The following SIM1 variants were observed in gnomAD, a reference collection of about 807,000 sequenced individuals.
SIM1 encodes the protein single-minded homolog 1.
SIM1 carries 18 observed loss-of-function variants against 78.2 expected under a neutral mutation model. The observed-to-expected ratio is 0.23, with a 90% confidence interval of 0.16 to 0.34. The LOEUF (loss-of-function observed/expected upper bound fraction) is 0.34, where lower values mean the gene tolerates loss of function less well. SIM1 is among the 10% of genes least tolerant of loss of function. SIM1 has a pLI of 1.00. For synonymous variants in SIM1, 417 were observed against 385.2 expected, an observed-to-expected ratio of 1.08 and a Z score of -0.97; for missense variants, 939 against 975.1, an observed-to-expected ratio of 0.96 and a Z score of 0.49.
chr6:100,438,854 T>C (rs899740019), intron 9 of SIM1, among the ~76,000 whole-genome samples: 7 of 152,150 alleles, frequency 4.6e-5, no homozygotes, highest in African/African-American at 1.7e-4. Flanking sequence ...GTGAAGTAAC[T>C]CAGGAATGGA....
rs768839708 is a variant in SIM1 at position 100,386,728 on chromosome 6, A to G, written c.*3633T>C. 8.5e-5 allele frequency: 13 copies of G among 152,074 alleles called. No individual in the cohort carries two copies. The highest frequency in any genetic ancestry group is 1.9e-4 in the Non-Finnish European group (13 of 67,932). 9.4% of individuals were successfully genotyped at this position (152,074 alleles called of 1,614,324 possible). A position where few individuals can be genotyped will look rare whatever the true frequency, so the allele number is the denominator to read the frequency against. ...TGCCCGATGGAAACAATCTAGCCCTATGAAATATAACCAAGAAAGAGCAAG... is the reference window on the plus strand; with the variant it reads ...TGCCCGATGGAAACAATCTAGCCCTGTGAAATATAACCAAGAAAGAGCAAG... On this transcript the variant is annotated 3_prime_UTR_variant, in exon 12 of 12. Coordinates refer to ENST00000369208, the MANE Select transcript of SIM1 (RefSeq NM_005068.3).
rs34396535 is a variant in SIM1, at chr6:100,400,980, G to GAA, written c.1168-7093_1168-7092dup. The stretch of plus-strand genomic sequence containing the variant: ...CCACAGATTGCTTTTTAATTAGAAG[G>GAA]AAAAAAAAACAGTTATACAGTAAAG... On this transcript the variant is annotated intron_variant, in intron 10 of 11. Coordinates refer to ENST00000369208, the MANE Select transcript of SIM1 (RefSeq NM_005068.3). Among the ~76,000 whole-genome samples, 685 of 149,200 alleles carry GAA rather than the reference G, an allele frequency of 4.6e-3. 4 individuals carry two copies. Among genetic ancestry groups the GAA allele is most frequent in the African/African-American group, 0.016 (665 of 40,570 alleles).
intron 9 of SIM1, chr6:100,427,185 T>C (rs1771755840): frequency 6.6e-6 from 1 of 152,136 alleles, no homozygotes; most frequent in Non-Finnish European, 1.5e-5. Flanking sequence ...ATTTTCAAGC[T>C]CCTATGGAGC....
intron 10 of SIM1, among the ~76,000 whole-genome samples, chr6:100,401,834 T>C (rs1004327565): frequency 1.8e-4 from 28 of 152,240 alleles, no homozygotes; most frequent in Non-Finnish European, 3.2e-4. Context: ...AAACTTGTTT[T>C]AATAAAGCTA....
At chr6:100,449,936 G>A (rs755473080) in intron 4 of SIM1, among the ~76,000 whole-genome samples, 79 of 152,120 alleles carry the variant, frequency 5.2e-4, no homozygotes, top group Admixed American at 9.2e-4. Flanking sequence ...AATAATAGTA[G>A]TAATAGTAGT....
Position 100,386,823 on chromosome 6 carries a change from C to T in SIM1, c.*3538G>A, listed in dbSNP as rs1036232216. 10 of 152,066 alleles carry T rather than the reference C, an allele frequency of 6.6e-5. No individual in the cohort carries two copies. Among genetic ancestry groups the T allele is most frequent in the African/African-American group, 2.4e-4 (10 of 41,436 alleles). 9.4% of individuals were successfully genotyped at this position (152,066 alleles called of 1,614,324 possible). A position where few individuals can be genotyped will look rare whatever the true frequency, so the allele number is the denominator to read the frequency against. ...CGTCTCATTTTGAATGTCACCTCAG[C>T]ACTGTCATATTATCTTTTATCAGGC... On this transcript the variant is annotated 3_prime_UTR_variant, in exon 12 of 12. Coordinates refer to ENST00000369208, the MANE Select transcript of SIM1 (RefSeq NM_005068.3).
intron 10 of SIM1, among the ~76,000 whole-genome samples, chr6:100,412,945 A>ATT (rs1320480312): frequency 6.6e-6 from 1 of 151,682 alleles, no homozygotes. Flanking sequence ...ACAGGGATAA[A>ATT]CCCAATCCTG....
chr6:100,453,756 C>G lies in SIM1; in HGVS notation c.258+6G>C. 6.2e-7 allele frequency: 1 copy of G among 1,609,036 alleles called. No homozygotes were observed. The highest frequency in any genetic ancestry group is 8.5e-7 in the Non-Finnish European group (1 of 1,177,264). The stretch of plus-strand genomic sequence containing the variant: ...TTATGTGTTGCCGGAAGACCTGCAC[C>G]TGTACCTGGAGCAGATGGGAGCCCA... On this transcript the variant is annotated splice_donor_region_variant and intron_variant, in intron 3 of 11. Coordinates refer to ENST00000369208, the MANE Select transcript of SIM1 (RefSeq NM_005068.3).
rs954555705 is a variant in SIM1, at chr6:100,449,621, G to A, written c.427C>T (p.His143Tyr). The A allele has an allele frequency of 3.7e-6, 6 of 1,613,898 alleles. No homozygotes were observed. Among genetic ancestry groups the A allele is most frequent in the Non-Finnish European group, 5.1e-6 (6 of 1,179,790 alleles). The change falls in exon 5 of 12, where the codon CAT (histidine) becomes TAT (tyrosine). Residue 143 changes from histidine to tyrosine, a missense_variant. This residue lies in a region of SIM1 where 187 missense variants were observed against 191.6 expected (regional missense o/e 0.98). Transcript: ENST00000369208. ...ACGAAGTGAGAGTGGTAGGGTTGATGGGCGGTGAGCACCGCCGTCATCTCG... is the reference window on the plus strand; with the variant it reads ...ACGAAGTGAGAGTGGTAGGGTTGATAGGCGGTGAGCACCGCCGTCATCTCG... Reference protein sequence around the residue: ...HDEMTAVLTAHQPYHSHFVQE... With the variant: ...HDEMTAVLTAYQPYHSHFVQE...
At chr6:100,415,935 A>T (rs968107828) in intron 10 of SIM1, among the ~76,000 whole-genome samples, 14 of 152,144 alleles carry the variant, frequency 9.2e-5, no homozygotes, top group Admixed American at 7.9e-4. Flanking sequence ...GGGGGCCTTA[A>T]TAAGCACATT....
At chr6:100,454,223 C>T (rs1772587884) in intron 2 of SIM1, among the ~76,000 whole-genome samples, 1 of 152,140 alleles carries the variant, frequency 6.6e-6, no homozygotes, top group South Asian at 2.1e-4. Flanking sequence ...TCATCGTCAT[C>T]CGTTTCCCGA....
At chr6:100,422,423 G>A (rs759389204) in intron 9 of SIM1, among the ~76,000 whole-genome samples, 11 of 152,054 alleles carry the variant, frequency 7.2e-5, no homozygotes, top group African/African-American at 9.7e-5. Flanking sequence ...AGGCGGTCTC[G>A]AACTTCTGAC....
rs1361230277 is a variant in SIM1 at position 100,415,105 on chromosome 6, T to C, written c.1167+5685A>G. On this transcript the variant is annotated intron_variant, in intron 10 of 11. Coordinates refer to ENST00000369208, the MANE Select transcript of SIM1 (RefSeq NM_005068.3). Reference sequence around the variant, plus strand: ...GCAAGAGGAGGGCAGGATGACATGATAAAACAGGATGGCACGCACTTTCTG... The same window carrying C: ...GCAAGAGGAGGGCAGGATGACATGACAAAACAGGATGGCACGCACTTTCTG... Among the ~76,000 whole-genome samples, 5 of 152,302 alleles carry C rather than the reference T, an allele frequency of 3.3e-5. 1 individual carries two copies. The East Asian group carries it at 9.6e-4, about 29-fold the overall frequency.
At position 100,450,335 on chromosome 6, in the gene SIM1, C is replaced by G; in HGVS notation, c.280G>C (p.Val94Leu). 6.2e-7 allele frequency: 1 copy of G among 1,614,046 alleles called. No individual in the cohort carries two copies. The highest frequency in any genetic ancestry group is 2.2e-5 in the East Asian group (1 of 44,870). ...ATGATCTTCCCATCTGGGGCTACCA[C>G]GAAGATGAAGCCATCCAGGGTCTGG... ...LLQTLDGFIF[V>L]VAPDGKIMYI... The change falls in exon 4 of 12, where the codon GTG becomes CTG. Residue 94 changes from valine (V) to leucine (L), a missense_variant. Val to Leu is a conservative substitution (Grantham distance 32, BLOSUM62 1). Around this residue, in one of 5 missense-constraint regions of SIM1, gnomAD observed 121 missense variants for 124.6 expected, o/e 0.97. Transcript: ENST00000369208.
intron 10 of SIM1, among the ~76,000 whole-genome samples, chr6:100,394,450 G>A (rs1010709261): frequency 6.6e-6 from 1 of 152,128 alleles, no homozygotes; most frequent in African/African-American, 2.4e-5. Context: ...CTGTCCCCCA[G>A]GCTGGAGTGC....
intron 10 of SIM1, among the ~76,000 whole-genome samples, chr6:100,399,327 T>C (rs1426469626): frequency 1.3e-5 from 2 of 152,216 alleles, no homozygotes; most frequent in Admixed American, 6.5e-5. Flanking sequence ...TGAATTATGC[T>C]GAGTGAAAAA....
Position 100,390,630 on chromosome 6 carries a change from G to C in SIM1, c.2032C>G (p.Leu678Val), listed in dbSNP as rs1367253431. 2.5e-6 allele frequency: 4 copies of C among 1,614,204 alleles called. No individual in the cohort carries two copies. Among genetic ancestry groups the C allele is most frequent in the Non-Finnish European group, 2.5e-6 (3 of 1,180,026 alleles). ...KSSLILAKDY[L>V]HSDISPHQTA... ...TGATGAGGAGATATATCCGAATGCA[G>C]ATAGTCTTTAGCTAGGATCAAACTG... Residue 678 changes from leucine to valine, a missense_variant, in exon 12 of 12, where the codon CTG (leucine) becomes GTG (valine). Around this residue, in one of 5 missense-constraint regions of SIM1, gnomAD observed 556 missense variants for 521.9 expected, o/e 1.07. Coordinates refer to ENST00000369208, the MANE Select transcript of SIM1 (RefSeq NM_005068.3).
intron 10 of SIM1, among the ~76,000 whole-genome samples, chr6:100,401,726 A>C (rs934826916): frequency 2.0e-5 from 3 of 152,188 alleles, no homozygotes; most frequent in African/African-American, 7.2e-5. Context: ...TAAATATTTG[A>C]ACATCAGAAA....
rs774106051 is a variant in SIM1 at position 100,390,875 on chromosome 6, T to A, written c.1787A>T (p.Asn596Ile). 1 of 1,614,162 alleles carries A rather than the reference T, an allele frequency of 6.2e-7. No homozygotes were observed. Among genetic ancestry groups the A allele is most frequent in the Non-Finnish European group, 8.5e-7 (1 of 1,179,998 alleles). ...KAPSDQLASI[N>I]GAGKKHSLCF... ...CAGGGAGTGTTTTTTCCCAGCCCCA[T>A]TAATGGAAGCCAGTTGGTCTGAGGG... The change falls in exon 12 of 12, where the codon AAT (asparagine) becomes ATT (isoleucine). Residue 596 changes from asparagine to isoleucine, a missense_variant. Physicochemically the swap from Asn to Ile is moderately radical, Grantham distance 149. Transcript: ENST00000369208.
Sources: gnomAD v4.1 joint callset for allele counts (sites outside exome capture counted in the v4.1 genomes callset) on GRCh38, gnomAD v4.1.1 for gene constraint, gnomAD v4.1.1 regional missense constraint, MANE v1.5 for transcripts, NCBI Gene and HGNC (gene_info 2026-07-23, HGNC 2026-07-21) for gene names.